Variants in SHISA9 observed in about 807,000 individuals in gnomAD.
SHISA9 encodes protein shisa-9.
In SHISA9, 13 loss-of-function variants were observed where a neutral mutation model predicts 38.0. The ratio of observed to expected loss-of-function variants is 0.34; its 90% CI spans 0.22 to 0.54. SHISA9 has a LOEUF of 0.54. SHISA9 is among the 20% of genes least tolerant of loss of function. SHISA9 has a pLI of 0.91. For synonymous variants in SHISA9, 275 were observed against 242.0 expected (o/e 1.14, Z -1.27); for missense variants, 538 against 575.8 (o/e 0.93, Z 0.67).
chr16:13,376,241 C>T, the SHISA9 span, among the ~76,000 whole-genome samples: 3 of 152,336 alleles, frequency 2.0e-5, no homozygotes, highest in Middle Eastern at 3.4e-3. Flanking sequence ...GTATAATCCT[C>T]CCTTAGGGAG....
chr16:13,287,002 A>T, the SHISA9 span, among the ~76,000 whole-genome samples: 2 of 152,104 alleles, frequency 1.3e-5, no homozygotes, highest in African/African-American at 2.4e-5. Context: ...TTTTTAACTC[A>T]TTACCTCTTC....
the SHISA9 span, chr16:13,258,520 C>G: frequency 2.0e-5 from 3 of 152,280 alleles, no homozygotes; most frequent in Non-Finnish European, 2.9e-5. Context: ...AGGCCCCCAG[C>G]ACATTCCTAG....
In SHISA9 at chr16:13,235,719, T is replaced by G. The variant is rs950281867; in HGVS notation, c.*310T>G. 3 of 331,616 alleles carry G rather than the reference T, an allele frequency of 9.0e-6. No individual in the cohort carries two copies. Among genetic ancestry groups the G allele is most frequent in the Non-Finnish European group, 5.5e-6 (1 of 183,186 alleles). The allele number at this position is 331,616 out of a possible 1,614,324, so 20.5% of individuals were successfully genotyped here. A position where few individuals can be genotyped will look rare whatever the true frequency, so the allele number is the denominator to read the frequency against. On this transcript the variant is annotated 3_prime_UTR_variant, in exon 5 of 5. Transcript: ENST00000558583. ...CACATGCCCAAACCGTGGGGCTGAG[T>G]TTTCTTTTCCTCCTAACTTGAAACT...
intron 2 of SHISA9, among the ~76,000 whole-genome samples, chr16:13,021,895 C>A (rs9927267): frequency 0.03 from 4,621 of 152,298 alleles, 221 homozygotes; most frequent in African/African-American, 0.1. Flanking sequence ...GCTGCCGTAA[C>A]AAATGACCAC....
intron 2 of SHISA9, among the ~76,000 whole-genome samples, chr16:12,988,577 T>C (rs540647627): frequency 1.1e-4 from 17 of 152,304 alleles, no homozygotes; most frequent in African/African-American, 3.8e-4. Flanking sequence ...AAGGCTGGAG[T>C]GCAGTGGCGC....
At chr16:13,252,220 C>A in the SHISA9 span, among the ~76,000 whole-genome samples, 1 of 151,478 alleles carries the variant, frequency 6.6e-6, no homozygotes, top group Non-Finnish European at 1.5e-5. Flanking sequence ...CCCCCACTGG[C>A]CTCCTTGCTG....
the SHISA9 span, among the ~76,000 whole-genome samples, chr16:13,403,052 C>T: frequency 0.15 from 23,453 of 151,554 alleles, 2,418 homozygotes; most frequent in East Asian, 0.38. Flanking sequence ...TGCAGTAAGC[C>T]GAGATCGTGC....
the SHISA9 span, among the ~76,000 whole-genome samples, chr16:13,551,033 A>T: frequency 6.6e-6 from 1 of 151,840 alleles, no homozygotes; most frequent in South Asian, 2.1e-4. Context: ...TGAGGCAAGG[A>T]GAATCGCTTG....
At chr16:13,405,395 A>T in the SHISA9 span, among the ~76,000 whole-genome samples, 5 of 152,196 alleles carry the variant, frequency 3.3e-5, no homozygotes, top group African/African-American at 1.2e-4. Context: ...AGATAGAAAG[A>T]TGCTCCCTGG....
chr16:13,011,427 C>G (rs2072673154), intron 2 of SHISA9, among the ~76,000 whole-genome samples: 1 of 149,496 alleles, frequency 6.7e-6, no homozygotes, highest in Non-Finnish European at 1.5e-5. Flanking sequence ...GATCTCTAGA[C>G]TTGCTCATCC....
the SHISA9 span, among the ~76,000 whole-genome samples, chr16:13,390,355 AGTGT>A: frequency 6.6e-6 from 1 of 151,934 alleles, no homozygotes; most frequent in Non-Finnish European, 1.5e-5. Flanking sequence ...TCCAACATGA[AGTGT>A]GTTTGTTGGG....
intron 2 of SHISA9, among the ~76,000 whole-genome samples, chr16:13,100,677 G>A (rs2073869847): frequency 6.6e-6 from 1 of 152,132 alleles, no homozygotes; most frequent in Non-Finnish European, 1.5e-5. Context: ...TAAAAACAGA[G>A]AAATACTACT....
intron 2 of SHISA9, among the ~76,000 whole-genome samples, chr16:13,042,725 C>G (rs1034387096): frequency 1.4e-4 from 21 of 152,186 alleles, no homozygotes; most frequent in African/African-American, 4.3e-4. Context: ...CCCCTATTCT[C>G]TAGTCACACC....
At chr16:13,285,462 G>GTTTTTTTTTTTTTTTTTTT in the SHISA9 span, among the ~76,000 whole-genome samples, 3 of 95,784 alleles carry the variant, frequency 3.1e-5, no homozygotes, top group African/African-American at 8.4e-5. Flanking sequence ...TTCAGGTGTA[G>GTTTTTTTTTTTTTTTTTTT]TTTTTTTTTT....
At chr16:13,043,476 C>G (rs1377435078) in intron 2 of SHISA9, among the ~76,000 whole-genome samples, 1 of 152,208 alleles carries the variant, frequency 6.6e-6, no homozygotes, top group East Asian at 1.9e-4. Flanking sequence ...CTGTTTCTAT[C>G]AGGTTGGTGC....
chr16:13,378,113 G>T, the SHISA9 span, among the ~76,000 whole-genome samples: 2 of 152,236 alleles, frequency 1.3e-5, no homozygotes, highest in African/African-American at 4.8e-5. Context: ...AGCCTGCAGA[G>T]CTAGGATAGA....
chr16:13,072,101 C>T (rs1298815921), intron 2 of SHISA9, among the ~76,000 whole-genome samples: 1 of 152,222 alleles, frequency 6.6e-6, no homozygotes, highest in Non-Finnish European at 1.5e-5. Context: ...CCAGCTCAGT[C>T]GCTTTGGAAG....
At chr16:13,127,361 G>A (rs2141983993) in intron 2 of SHISA9, among the ~76,000 whole-genome samples, 1 of 138,028 alleles carries the variant, frequency 7.2e-6, no homozygotes, top group South Asian at 2.6e-4. Context: ...GAGAAGGAGG[G>A]AAGGAGAGAG....
intron 2 of SHISA9, among the ~76,000 whole-genome samples, chr16:12,983,645 T>A (rs1394240716): frequency 6.6e-6 from 1 of 152,158 alleles, no homozygotes; most frequent in Non-Finnish European, 1.5e-5. Flanking sequence ...CCCGCCACCA[T>A]GCCTGGCTAA....
Sources: gnomAD v4.1 joint callset for allele counts (sites outside exome capture counted in the v4.1 genomes callset) on GRCh38, gnomAD v4.1.1 for gene constraint, MANE v1.5 for transcripts, NCBI Gene and HGNC (gene_info 2026-07-23, HGNC 2026-07-21) for gene names.